The following TNRC18 variants were observed in gnomAD, a reference collection of about 807,000 sequenced individuals.
The protein encoded by TNRC18 is trinucleotide repeat containing 18, also known as trinucleotide repeat-containing gene 18 protein.
A neutral mutation model predicts 226.7 loss-of-function variants in TNRC18; 69 were observed. The observed-to-expected ratio is 0.30, with a 90% confidence interval of 0.25 to 0.37. TNRC18 has a LOEUF of 0.37. Ranked by LOEUF, TNRC18 falls within the 10% of genes least tolerant of loss-of-function variation. The pLI, the probability that TNRC18 is intolerant of heterozygous loss-of-function variation, is 1.00. For synonymous variants in TNRC18, 2,449 were observed against 1,927.6 expected (o/e 1.27, Z -7.09); for missense variants, 4,754 against 4,256.6 (o/e 1.12, Z -3.25).
intron 18 of TNRC18, among the ~76,000 whole-genome samples, chr7:5,338,926 GAAAA>G (rs778716584): frequency 1.6e-5 from 1 of 64,330 alleles, no homozygotes; most frequent in Non-Finnish European, 3.2e-5. Flanking sequence ...ATCTCAAAAG[GAAAA>G]AAAAAAAAAA....
At chr7:5,406,304 A>T (rs1202772071) in intron 2 of TNRC18, among the ~76,000 whole-genome samples, 1 of 151,966 alleles carries the variant, frequency 6.6e-6, no homozygotes, top group Non-Finnish European at 1.5e-5. Context: ...CTCTACAAAA[A>T]ATACAAAAAA....
rs1787270161 is a variant in TNRC18 at position 5,312,006 on chromosome 7, T to G, written c.8388+497A>C. 6.6e-6 allele frequency among the ~76,000 whole-genome samples: 1 copy of G among 151,834 alleles called. No individual in the cohort carries two copies. Among genetic ancestry groups the G allele is most frequent in the African/African-American group, 2.4e-5 (1 of 41,380 alleles). On this transcript the variant is annotated intron_variant, in intron 27 of 29. Coordinates refer to ENST00000430969, the MANE Select transcript of TNRC18 (RefSeq NM_001080495.3). The surrounding 1 kb of genome is among the most constrained non-coding windows in gnomAD (Gnocchi z 6.3). ...CAAAAATTAGCCAGGCGTGGTGGCG[T>G]GCGCCTGTAATCCCAGCTACTTGGG... is the stretch of plus-strand genomic sequence containing the variant.
chr7:5,381,453 G>A (rs971365538), intron 5 of TNRC18, among the ~76,000 whole-genome samples: 7 of 152,038 alleles, frequency 4.6e-5, no homozygotes, highest in Non-Finnish European at 1.0e-4. Context: ...TCAGCTTCAA[G>A]TGCCACTTCC....
At chr7:5,403,666 C>A (rs931739688) in intron 2 of TNRC18, among the ~76,000 whole-genome samples, 1 of 152,012 alleles carries the variant, frequency 6.6e-6, no homozygotes, top group Non-Finnish European at 1.5e-5. Flanking sequence ...GTGGTGTACA[C>A]CTGTAGTCCC....
chr7:5,348,810 A>T (rs1298211423), intron 17 of TNRC18, among the ~76,000 whole-genome samples: 1 of 152,116 alleles, frequency 6.6e-6, no homozygotes, highest in Non-Finnish European at 1.5e-5. Context: ...ACTTGCGATC[A>T]TTCACATTGC....
rs527850912 is a variant in TNRC18, at chr7:5,377,661, T to G, written c.2256-85A>C. 2.2e-6 allele frequency: 3 copies of G among 1,394,232 alleles called. No individual in the cohort carries two copies. The highest frequency in any genetic ancestry group is 2.9e-5 in the African/African-American group (2 of 69,896). 86.4% of individuals were successfully genotyped at this position (1,394,232 alleles called of 1,614,324 possible). Reference sequence around the variant, plus strand: ...AAGCGGGGTTGCCCCAAGGAACTGTTTGCCACCAGGCCATGAGTCAGGACA... The same window carrying G: ...AAGCGGGGTTGCCCCAAGGAACTGTGTGCCACCAGGCCATGAGTCAGGACA... On this transcript the variant is annotated intron_variant, in intron 6 of 29. Transcript: ENST00000430969. This position sits in a 1 kb window ranked among gnomAD's most constrained non-coding sequence, Gnocchi z 5.8.
intron 17 of TNRC18, among the ~76,000 whole-genome samples, chr7:5,350,268 G>A (rs1400662522): frequency 6.6e-6 from 1 of 152,010 alleles, no homozygotes; most frequent in Non-Finnish European, 1.5e-5. Flanking sequence ...GGTGGTGTTC[G>A]CTCAGAGGGG....
chr7:5,364,804 GAAAAAAA>G lies in TNRC18; in HGVS notation c.4220-1986_4220-1980del, dbSNP rs778909525. Among the ~76,000 whole-genome samples, 15 of 88,204 alleles carry G rather than the reference GAAAAAAA, an allele frequency of 1.7e-4. No homozygotes were observed. In the Admixed American group the frequency reaches 1.8e-3, roughly 10 times the overall value. 57.9% of individuals were successfully genotyped at this position (88,204 alleles called of 152,430 possible). ...GGGCAACAGAGGGAGGCTGTCTCAG[GAAAAAAA>G]AAAAAAAAAAAAAGATCTCAATCAG... On this transcript the variant is annotated intron_variant, in intron 11 of 29. Coordinates refer to ENST00000430969, the MANE Select transcript of TNRC18 (RefSeq NM_001080495.3).
chr7:5,326,401 C>A (rs1445244914), intron 19 of TNRC18, among the ~76,000 whole-genome samples: 2 of 152,158 alleles, frequency 1.3e-5, no homozygotes, highest in East Asian at 1.9e-4. Flanking sequence ...TAACCACCCC[C>A]GCGATGAGAA....
intron 18 of TNRC18, 36 bp downstream of exon 18, chr7:5,345,526 A>ACCCCCCCCCC: frequency 2.3e-5 from 4 of 177,498 alleles, no homozygotes; most frequent in East Asian, 1.3e-4. Context: ...CGCCCCTCCC[A>ACCCCCCCCCC]CCCACCCCCA....
intron 3 of TNRC18, among the ~76,000 whole-genome samples, chr7:5,393,522 T>G (rs1372920678): frequency 6.6e-6 from 1 of 151,982 alleles, no homozygotes; most frequent in East Asian, 1.9e-4. Flanking sequence ...GGAGAGTGGC[T>G]GGGGAGGGCC....
At chr7:5,381,937 G>A (rs1283700225) in intron 5 of TNRC18, among the ~76,000 whole-genome samples, 2 of 152,156 alleles carry the variant, frequency 1.3e-5, no homozygotes, top group Admixed American at 6.5e-5. Flanking sequence ...CTGCACTCCA[G>A]CCTGGGCGAC....
At position 5,332,853 on chromosome 7, in the gene TNRC18, C is replaced by T. The variant is rs1789687057; in HGVS notation, c.5916G>A (p.Arg1972=). 1.3e-6 allele frequency: 2 copies of T among 1,510,656 alleles called. No homozygotes were observed. Among genetic ancestry groups the T allele is most frequent in the African/African-American group, 1.4e-5 (1 of 70,250 alleles). 93.6% of individuals were successfully genotyped at this position (1,510,656 alleles called of 1,614,324 possible). The change falls in exon 19 of 30, where the codon CGG becomes CGA. Residue 1972 remains arginine (R), a synonymous_variant. Coordinates refer to ENST00000430969, the MANE Select transcript of TNRC18 (RefSeq NM_001080495.3). ...KLAVEKGRKA[R]KLRGPKEPGF... is the part of the protein sequence containing the mutation. ...CAGGCTCCTTGGGGCCCCGCAGCTTCCGGGCCTTGCGCCCCTTCTCCACCG... is the reference window on the plus strand; with the variant it reads ...CAGGCTCCTTGGGGCCCCGCAGCTTTCGGGCCTTGCGCCCCTTCTCCACCG...
chr7:5,418,339 C>T (rs759110542), intron 2 of TNRC18, among the ~76,000 whole-genome samples: 7 of 152,192 alleles, frequency 4.6e-5, no homozygotes, highest in Non-Finnish European at 7.3e-5. Context: ...CTTAAATTCA[C>T]CTCCTCTTCT....
intron 19 of TNRC18, among the ~76,000 whole-genome samples, chr7:5,328,503 C>T (rs559720165): frequency 2.4e-4 from 33 of 135,950 alleles, no homozygotes; most frequent in East Asian, 1.5e-3. Flanking sequence ...CCACCTTCCC[C>T]GCCGCCGCCT....
rs1453479717 is a variant in TNRC18, at chr7:5,357,130, C to T, written c.4980G>A (p.Gly1660=). 2 of 1,559,378 alleles carry T rather than the reference C, an allele frequency of 1.3e-6. No individual in the cohort carries two copies. The highest frequency in any genetic ancestry group is 1.7e-6 in the Non-Finnish European group (2 of 1,150,994). ...AAGGAGTCAAGTACCTGCCGCAGCC[C>T]CCGCTAGTTTTCGATTTCCCCCCAG... The part of the protein sequence containing the change: ...DSAGGKSKTS[G]GCGRYLTPYD... Residue 1660 remains glycine, a synonymous_variant, in exon 16 of 30, where the codon GGG becomes GGA. Transcript: ENST00000430969.
rs758395847 is a variant in TNRC18 at position 5,389,079 on chromosome 7, C to T, written c.745G>A (p.Gly249Ser). The T allele has an allele frequency of 3.1e-6, 4 of 1,280,700 alleles. No individual in the cohort carries two copies. Among genetic ancestry groups the T allele is most frequent in the Non-Finnish European group, 4.0e-6 (4 of 1,006,934 alleles). The allele number at this position is 1,280,700 out of a possible 1,614,324, so 79.3% of individuals were successfully genotyped here. Residue 249 changes from glycine (G) to serine (S), a missense_variant, in exon 5 of 30, where the codon GGC becomes AGC. Transcript: ENST00000430969. ...CGCGGGGGCCCCCGGTCCTGGCGGC[C>T]CTCGGCGCGCGCCTCCTGGGTCAGG... ...VDLTQEARAE[G>S]RQDRGPPRLA...
intron 2 of TNRC18, among the ~76,000 whole-genome samples, chr7:5,410,037 G>T (rs542850688): frequency 6.6e-6 from 1 of 150,682 alleles, no homozygotes; most frequent in African/African-American, 2.4e-5. Context: ...CAGATCAGAC[G>T]CAGTGGCTCA....
At chr7:5,342,691 G>C (rs1020809468) in intron 18 of TNRC18, among the ~76,000 whole-genome samples, 4 of 152,226 alleles carry the variant, frequency 2.6e-5, no homozygotes, top group Admixed American at 2.0e-4. Flanking sequence ...TGTGAACACT[G>C]TTGAAATGAC....
Sources: allele counts gnomAD v4.1 joint callset (sites outside exome capture counted in the v4.1 genomes callset), GRCh38; gene constraint gnomAD v4.1.1; non-coding constraint Gnocchi (gnomAD v3.1); transcripts MANE v1.5; gene names NCBI Gene and HGNC (gene_info 2026-07-23, HGNC 2026-07-21).